The following ATG10 variants were observed in gnomAD, a reference collection of about 807,000 sequenced individuals.
ATG10 encodes ubiquitin-like-conjugating enzyme ATG10.
A neutral mutation model predicts 32.1 loss-of-function variants in ATG10; 30 were observed. The ratio of observed to expected loss-of-function variants is 0.94; its 90% CI spans 0.70 to 1.27. The LOEUF (loss-of-function observed/expected upper bound fraction) is 1.27, where lower values mean the gene tolerates loss of function less well. ATG10 is among the 50% of genes most tolerant of loss of function. ATG10 has a pLI of 0.00. For synonymous variants in ATG10, 87 were observed against 91.5 expected (o/e 0.95, Z 0.28); for missense variants, 233 against 262.3 (o/e 0.89, Z 0.77).
chr5:82,047,923 G>C (rs1316997025), intron 2 of ATG10, among the ~76,000 whole-genome samples: 1 of 152,196 alleles, frequency 6.6e-6, no homozygotes, highest in African/African-American at 2.4e-5. Flanking sequence ...TCCAGTTTCA[G>C]CTTTCTACAT....
At chr5:82,055,729 A>G (rs1311197422) in intron 2 of ATG10, among the ~76,000 whole-genome samples, 1 of 152,180 alleles carries the variant, frequency 6.6e-6, no homozygotes, top group Non-Finnish European at 1.5e-5. Context: ...AACACATGCT[A>G]TTATAGTTTT....
intron 3 of ATG10, among the ~76,000 whole-genome samples, chr5:82,141,874 C>T (rs546507847): frequency 5.9e-5 from 9 of 151,954 alleles, no homozygotes; most frequent in African/African-American, 1.4e-4. Context: ...TCCAGTTGCC[C>T]GTGGGATAGC....
chr5:82,048,802 C>T (rs1360944009), intron 2 of ATG10, among the ~76,000 whole-genome samples: 2 of 152,328 alleles, frequency 1.3e-5, no homozygotes, highest in East Asian at 3.9e-4. Flanking sequence ...AAACAATGCT[C>T]ACCATCACTG....
intron 5 of ATG10, among the ~76,000 whole-genome samples, chr5:82,203,519 G>A (rs1170517076): frequency 6.6e-6 from 1 of 152,112 alleles, no homozygotes; most frequent in Non-Finnish European, 1.5e-5. Flanking sequence ...GGAGAGATAG[G>A]CTGTGGTGGG....
intron 2 of ATG10, among the ~76,000 whole-genome samples, chr5:82,034,637 A>G (rs1170927788): frequency 2.0e-5 from 3 of 152,138 alleles, no homozygotes; most frequent in African/African-American, 4.8e-5. Context: ...TTTCTTCTCT[A>G]ATCTTTGTCT....
chr5:82,120,621 G>C (rs1052313147), intron 3 of ATG10, among the ~76,000 whole-genome samples: 6 of 152,024 alleles, frequency 3.9e-5, no homozygotes, highest in Non-Finnish European at 7.4e-5. Flanking sequence ...TGATAGTTAA[G>C]AGGAGATAAA....
chr5:82,173,552 A>G (rs1396150524), intron 4 of ATG10, among the ~76,000 whole-genome samples: 3 of 152,190 alleles, frequency 2.0e-5, no homozygotes, highest in African/African-American at 4.8e-5. Flanking sequence ...TAGGCACTCA[A>G]TAAACACTTG....
At chr5:82,191,363 T>C (rs1744653219) in intron 5 of ATG10, among the ~76,000 whole-genome samples, 1 of 152,230 alleles carries the variant, frequency 6.6e-6, no homozygotes, top group South Asian at 2.1e-4. Context: ...TGGGAGTACC[T>C]GCCAGCAGGG....
intron 2 of ATG10, among the ~76,000 whole-genome samples, chr5:81,999,735 A>G (rs1170274479): frequency 6.6e-6 from 1 of 152,138 alleles, no homozygotes; most frequent in Non-Finnish European, 1.5e-5. Flanking sequence ...CAAAAAAAAA[A>G]TCCCGCAGAC....
chr5:82,026,991 G>A (rs921142384), intron 2 of ATG10, among the ~76,000 whole-genome samples: 2 of 150,152 alleles, frequency 1.3e-5, no homozygotes, highest in African/African-American at 4.9e-5. Flanking sequence ...CCCAGGAGGC[G>A]GAGTTTGCAG....
intron 2 of ATG10, among the ~76,000 whole-genome samples, chr5:82,025,161 A>T (rs912172819): frequency 6.6e-6 from 1 of 152,230 alleles, no homozygotes; most frequent in African/African-American, 2.4e-5. Flanking sequence ...ATCATGAGGC[A>T]TGCCTTTTTG....
intron 4 of ATG10, among the ~76,000 whole-genome samples, chr5:82,177,244 A>G (rs1161270125): frequency 6.6e-6 from 1 of 152,180 alleles, no homozygotes; most frequent in Non-Finnish European, 1.5e-5. Context: ...TAAAAGCAAA[A>G]TAATTTGCAC....
At chr5:81,999,422 A>C (rs1319021883) in intron 2 of ATG10, among the ~76,000 whole-genome samples, 1 of 152,156 alleles carries the variant, frequency 6.6e-6, no homozygotes, top group East Asian at 1.9e-4. Context: ...TGCCCACATC[A>C]AAAAGTTAGA....
chr5:82,241,927 A>T (rs185253391), intron 5 of ATG10, among the ~76,000 whole-genome samples: 1 of 152,272 alleles, frequency 6.6e-6, no homozygotes, highest in African/African-American at 2.4e-5. Flanking sequence ...TACCAGGCAG[A>T]AGCATATATA....
At chr5:82,244,507 G>A (rs1005468795) in intron 5 of ATG10, among the ~76,000 whole-genome samples, 25 of 152,142 alleles carry the variant, frequency 1.6e-4, no homozygotes, top group African/African-American at 5.8e-4. Flanking sequence ...TGCAGATGCT[G>A]GGTAGTCATT....
chr5:82,078,843 G>C (rs985551899), intron 3 of ATG10: 15 of 152,262 alleles, frequency 9.9e-5, no homozygotes, highest in African/African-American at 3.6e-4. Flanking sequence ...TGAGGTAAAG[G>C]TGGAGTGCAT....
chr5:82,197,121 T>C (rs1045944457), intron 5 of ATG10, among the ~76,000 whole-genome samples: 1 of 152,190 alleles, frequency 6.6e-6, no homozygotes, highest in Non-Finnish European at 1.5e-5. Context: ...TTCATTAAAT[T>C]TATTCCTACA....
intron 5 of ATG10, among the ~76,000 whole-genome samples, chr5:82,223,880 A>T: frequency 6.6e-6 from 1 of 152,150 alleles, no homozygotes; most frequent in East Asian, 1.9e-4. Flanking sequence ...GTAGATGAGG[A>T]AGGAAATGAG....
intron 5 of ATG10, among the ~76,000 whole-genome samples, chr5:82,186,785 T>C (rs1362999159): frequency 1.3e-5 from 2 of 152,126 alleles, no homozygotes; most frequent in East Asian, 3.9e-4. Flanking sequence ...TTTCTCCCCA[T>C]TAGCTTGGCT....
Sources: gnomAD v4.1 joint callset for allele counts (sites outside exome capture counted in the v4.1 genomes callset) on GRCh38, gnomAD v4.1.1 for gene constraint, MANE v1.5 for transcripts, NCBI Gene and HGNC (gene_info 2026-07-23, HGNC 2026-07-21) for gene names.